Variants in GRIN2D observed in about 807,000 individuals in gnomAD.
GRIN2D encodes glutamate receptor ionotropic, NMDA 2D.
A neutral mutation model predicts 103.2 loss-of-function variants in GRIN2D; 37 were observed. That is an observed-to-expected ratio of 0.36 (90% CI 0.28 to 0.47). The LOEUF is 0.47. GRIN2D is among the 20% of genes least tolerant of loss of function. GRIN2D has a pLI of 1.00. For missense variants in GRIN2D, 1,557 were observed against 1,910.6 expected, an observed-to-expected ratio of 0.81 and a Z score of 3.45; for synonymous variants, 845 against 885.6, an observed-to-expected ratio of 0.95 and a Z score of 0.81.
At chr19:48,411,524 C>T (rs1473923126) in intron 4 of GRIN2D, among the ~76,000 whole-genome samples, 2 of 151,648 alleles carry the variant, frequency 1.3e-5, no homozygotes, top group African/African-American at 4.8e-5. Flanking sequence ...TGGTGCTTGC[C>T]TGTAATCCCA....
Position 48,443,563 on chromosome 19 carries a change from C to G in GRIN2D, c.3637C>G (p.Pro1213Ala). Reference sequence around the variant, plus strand: ...CGGCTGGTGGGCGCCACCGCCTCCACCCTGGGCCGCCGGGCCCCTGCCCCG... The same window carrying G: ...CGGCTGGTGGGCGCCACCGCCTCCAGCCTGGGCCGCCGGGCCCCTGCCCCG... ...DGGWWAPPPP[P>A]WAAGPLPRRR... Residue 1213 changes from proline to alanine, a missense_variant, in exon 14 of 14, where the codon CCC becomes GCC. Pro to Ala is a conservative substitution (Grantham distance 27). This residue lies in a region of GRIN2D where 632 missense variants were observed against 572.8 expected (regional missense o/e 1.10). Transcript: ENST00000263269. The surrounding 1 kb of genome is among the most constrained non-coding windows in gnomAD (Gnocchi z 8.9). 2 of 1,235,772 alleles carry G rather than the reference C, an allele frequency of 1.6e-6. No individual in the cohort carries two copies. The highest frequency in any genetic ancestry group is 2.0e-6 in the Non-Finnish European group (2 of 989,892). 76.6% of individuals were successfully genotyped at this position (1,235,772 alleles called of 1,614,324 possible).
intron 4 of GRIN2D, among the ~76,000 whole-genome samples, chr19:48,407,551 G>C (rs1025368188): frequency 6.6e-6 from 1 of 152,178 alleles, no homozygotes; most frequent in Non-Finnish European, 1.5e-5. Context: ...GTGGAGTCAG[G>C]AAGGTTTCTA....
In GRIN2D at chr19:48,398,602, C is replaced by A. The variant is rs1268536086; in HGVS notation, c.210C>A (p.Gly70=). ...PAYAAEAARL[G]PAVAAAVRSP... is the part of the protein sequence containing the mutation. ...ACGCGGCCGAGGCGGCACGCCTGGG[C>A]CCGGCCGTGGCGGCGGCGGTGCGCA... The change falls in exon 3 of 14, where the codon GGC becomes GGA. Residue 70 remains glycine (G), a synonymous_variant. Transcript: ENST00000263269. 8.1e-6 allele frequency: 10 copies of A among 1,236,196 alleles called. No homozygotes were observed. The South Asian group carries it at 9.0e-5, about 11-fold the overall frequency. 76.6% of individuals were successfully genotyped at this position (1,236,196 alleles called of 1,614,324 possible).
At position 48,419,736 on chromosome 19, in the gene GRIN2D, C is replaced by G. The variant is rs746666411; in HGVS notation, c.2013C>G (p.Ala671=). 4 of 1,613,740 alleles carry G rather than the reference C, an allele frequency of 2.5e-6. No homozygotes were observed. Among genetic ancestry groups the G allele is most frequent in the Admixed American group, 3.3e-5 (2 of 59,946 alleles). The part of the protein sequence containing the change: ...VWAFFAVIFL[A]SYTANLAAFM... The stretch of plus-strand genomic sequence containing the variant: ...CCTTCTTCGCCGTCATCTTCCTCGC[C>G]AGCTACACAGCCAACCTGGCCGCCT... The change falls in exon 10 of 14, where the codon GCC becomes GCG. Residue 671 remains alanine (A), a synonymous_variant. Transcript: ENST00000263269.
chr19:48,421,764 T>C lies in GRIN2D; in HGVS notation c.2092-21T>C, dbSNP rs1971027284. 2 of 1,609,650 alleles carry C rather than the reference T, an allele frequency of 1.2e-6. No homozygotes were observed. Among genetic ancestry groups the C allele is most frequent in the East Asian group, 4.5e-5 (2 of 44,830 alleles). ...GATGTCCCTGCGGAGGGTGCCCTAA[T>C]CACTCCCCATTCTGCCCCAGTTCCA... is the stretch of plus-strand genomic sequence containing the variant. On this transcript the variant is annotated intron_variant, in intron 10 of 13. Transcript: ENST00000263269. This position sits in a 1 kb window ranked among gnomAD's most constrained non-coding sequence, Gnocchi z 4.8.
At chr19:48,396,362 G>T (rs773698326) in intron 2 of GRIN2D, among the ~76,000 whole-genome samples, 2 of 152,082 alleles carry the variant, frequency 1.3e-5, no homozygotes, top group Non-Finnish European at 2.9e-5. Context: ...TGAGAAGGGT[G>T]GGGCCGGGGG....
chr19:48,396,773 C>A (rs1947426254), intron 2 of GRIN2D, among the ~76,000 whole-genome samples: 1 of 151,936 alleles, frequency 6.6e-6, no homozygotes, highest in Non-Finnish European at 1.5e-5. Flanking sequence ...GTGGACCTTT[C>A]CCCCGCCCTG....
At chr19:48,434,784 AT>A (rs1345671237) in intron 11 of GRIN2D, among the ~76,000 whole-genome samples, 1 of 150,458 alleles carries the variant, frequency 6.6e-6, no homozygotes, top group Non-Finnish European at 1.5e-5. Context: ...TTTATTTTTT[AT>A]TTTTTTGCCA....
intron 11 of GRIN2D, among the ~76,000 whole-genome samples, chr19:48,441,093 G>A (rs889271534): frequency 6.6e-6 from 1 of 152,040 alleles, no homozygotes; most frequent in Non-Finnish European, 1.5e-5. Context: ...GGCCAGGTGC[G>A]GTTGCTCACG....
Position 48,442,070 on chromosome 19 carries a change from A to G in GRIN2D, c.2441-80A>G. On this transcript the variant is annotated intron_variant, in intron 12 of 13. Coordinates refer to ENST00000263269, the MANE Select transcript of GRIN2D (RefSeq NM_000836.4). This position sits in a 1 kb window ranked among gnomAD's most constrained non-coding sequence, Gnocchi z 7.2. ...CCAGGGTCTGAGGGAGGAAGGGGCT[A>G]AGGGCCTACATTCCCACATCACAGA... is the stretch of plus-strand genomic sequence containing the variant. 6 of 1,515,294 alleles carry G rather than the reference A, an allele frequency of 4.0e-6. No individual in the cohort carries two copies. The highest frequency in any genetic ancestry group is 4.5e-6 in the Non-Finnish European group (5 of 1,102,746). 93.9% of individuals were successfully genotyped at this position (1,515,294 alleles called of 1,614,324 possible).
intron 11 of GRIN2D, among the ~76,000 whole-genome samples, chr19:48,437,210 T>A (rs941757467): frequency 2.0e-5 from 3 of 152,104 alleles, no homozygotes; most frequent in Admixed American, 6.6e-5. Context: ...AACCTCATCC[T>A]CCTACCCTCA....
At chr19:48,431,585 CTTT>C (rs1377100099) in intron 11 of GRIN2D, among the ~76,000 whole-genome samples, 5 of 140,246 alleles carry the variant, frequency 3.6e-5, no homozygotes, top group Non-Finnish European at 4.7e-5. Context: ...ATCTGTTTCC[CTTT>C]TTTTTTTTTT....
Position 48,421,852 on chromosome 19 carries a change from A to G in GRIN2D, c.2159A>G (p.Lys720Arg), listed in dbSNP as rs754519046. ...ACCGTGCCCAACGGCTCCACGGAGA[A>G]GAACATCCGCAGCAACTATCCCGAC... ...FGTVPNGSTE[K>R]NIRSNYPDMH... is the part of the protein sequence containing the mutation. The change falls in exon 11 of 14, where the codon AAG (lysine) becomes AGG (arginine). Residue 720 changes from lysine (K) to arginine (R), a missense_variant. By Grantham distance (26) the Lys-to-Arg change is conservative. Around this residue, in one of 7 missense-constraint regions of GRIN2D, gnomAD observed 138 missense variants for 270.2 expected, o/e 0.51. Transcript: ENST00000263269. The surrounding 1 kb of genome is among the most constrained non-coding windows in gnomAD (Gnocchi z 4.8). The G allele has an allele frequency of 1.2e-5, 19 of 1,613,988 alleles. No homozygotes were observed. Among genetic ancestry groups the G allele is most frequent in the Non-Finnish European group, 1.5e-5 (18 of 1,180,002 alleles).
intron 11 of GRIN2D, among the ~76,000 whole-genome samples, chr19:48,433,658 A>T (rs1304638469): frequency 6.6e-6 from 1 of 152,214 alleles, no homozygotes; most frequent in Non-Finnish European, 1.5e-5. Context: ...TTTCCATGAG[A>T]GATGTGCAAT....
chr19:48,427,472 CTTTTTTT>C (rs1038381293), intron 11 of GRIN2D, among the ~76,000 whole-genome samples: 37 of 83,256 alleles, frequency 4.4e-4, no homozygotes, highest in Admixed American at 1.9e-3. Flanking sequence ...ATCTTCTTTT[CTTTTTTT>C]TTTTTTTTTT....
chr19:48,419,231 C>T lies in GRIN2D; in HGVS notation c.1736-3C>T. ...CCATAACCACGCACTCCCTTGTCCCCAGAGCCCTACAGCCCCGCCGTGTGG... is the reference window on the plus strand; with the variant it reads ...CCATAACCACGCACTCCCTTGTCCCTAGAGCCCTACAGCCCCGCCGTGTGG... On this transcript the variant is annotated splice_polypyrimidine_tract_variant and splice_region_variant and intron_variant, in intron 8 of 13. Coordinates refer to ENST00000263269, the MANE Select transcript of GRIN2D (RefSeq NM_000836.4). The T allele has an allele frequency of 6.2e-7, 1 of 1,604,922 alleles. No homozygotes were observed. Among genetic ancestry groups the T allele is most frequent in the East Asian group, 2.2e-5 (1 of 44,782 alleles).
In GRIN2D at chr19:48,398,750, G is replaced by A. The variant is rs1206951756; in HGVS notation, c.358G>A (p.Asp120Asn). ...CGTGCACGGCGTGGTCTTCGAAGAC[G>A]ACTCGCGCGCGCCCGCCGTCGCGCC... Reference protein sequence around the residue: ...LRVHGVVFEDDSRAPAVAPIL... With the variant: ...LRVHGVVFEDNSRAPAVAPIL... Residue 120 changes from aspartate (D) to asparagine (N), a missense_variant, in exon 3 of 14, where the codon GAC becomes AAC. This residue lies in a region of GRIN2D where 490 missense variants were observed against 601.1 expected (regional missense o/e 0.82). Coordinates refer to ENST00000263269, the MANE Select transcript of GRIN2D (RefSeq NM_000836.4). 6.1e-6 allele frequency: 9 copies of A among 1,465,304 alleles called. No individual in the cohort carries two copies. The Middle Eastern group carries it at 7.0e-4, about 115-fold the overall frequency. 90.8% of individuals were successfully genotyped at this position (1,465,304 alleles called of 1,614,324 possible). A position where few individuals can be genotyped will look rare whatever the true frequency, so the allele number is the denominator to read the frequency against.
At chr19:48,404,370 G>C (rs894227363) in intron 3 of GRIN2D, among the ~76,000 whole-genome samples, 40 of 151,612 alleles carry the variant, frequency 2.6e-4, no homozygotes, top group African/African-American at 9.0e-4. Flanking sequence ...TAAGCTTCAA[G>C]AGTAAGGTTT....
intron 4 of GRIN2D, among the ~76,000 whole-genome samples, chr19:48,411,518 G>T (rs1296113577): frequency 6.6e-6 from 1 of 151,670 alleles, no homozygotes; most frequent in Middle Eastern, 3.2e-3. Context: ...GCGCGGTGGT[G>T]CTTGCCTGTA....
Sources: allele counts gnomAD v4.1 joint callset (sites outside exome capture counted in the v4.1 genomes callset), GRCh38; gene constraint gnomAD v4.1.1; regional missense constraint gnomAD v4.1.1; non-coding constraint Gnocchi (gnomAD v3.1); transcripts MANE v1.5; gene names NCBI Gene and HGNC (gene_info 2026-07-23, HGNC 2026-07-21).